NAGPA: variants seen among roughly 807,000 people sequenced by gnomAD.
The protein encoded by NAGPA is N-acetylglucosamine-1-phosphodiester alpha-N-acetylglucosaminidase.
NAGPA carries 56 observed loss-of-function variants against 48.5 expected under a neutral mutation model. That is an observed-to-expected ratio of 1.15 (90% CI 0.93 to 1.44). NAGPA has a LOEUF of 1.44. NAGPA is among the 40% of genes most tolerant of loss of function. The pLI is 0.00. For missense variants in NAGPA, 888 were observed against 735.0 expected, an observed-to-expected ratio of 1.21 and a Z score of -2.41; for synonymous variants, 399 against 315.5, an observed-to-expected ratio of 1.26 and a Z score of -2.81.
intron 4 of NAGPA, 193 bp downstream of exon 4, chr16:5,030,192 T>C (rs112031821): frequency 1.9e-5 from 12 of 628,792 alleles, no homozygotes; most frequent in African/African-American, 7.3e-5. Context: ...AAGCTGAAGA[T>C]GATGAGTTCT....
chr16:5,032,288 A>T (rs1001171), intron 2 of NAGPA, among the ~76,000 whole-genome samples: 50,783 of 152,028 alleles, frequency 0.33, 8,648 homozygotes, highest in South Asian at 0.41. Flanking sequence ...TCAGGATCAG[A>T]ACAAGCTTTA....
intron 4 of NAGPA, 53 bp from the exon 5 acceptor site, chr16:5,029,061 T>A: frequency 1.2e-6 from 2 of 1,605,438 alleles, no homozygotes; most frequent in South Asian, 1.1e-5. Flanking sequence ...CATTTCTCAT[T>A]TAACTCCTTT....
rs1341222138 is a variant in NAGPA, at chr16:5,033,903, G to A, written c.12C>T (p.Ser4=). ...GCCGGAGGAGAAGCCAGCGACCCGT[G>A]GAGGTCGCCATATTGGACCGGGGCC... MAT[S]TGRWLLLRLA... is the part of the protein sequence containing the mutation. The change falls in exon 1 of 10, where the codon TCC becomes TCT. Residue 4 remains serine (S), a synonymous_variant. Coordinates refer to ENST00000312251, the MANE Select transcript of NAGPA (RefSeq NM_016256.4). This position sits in a 1 kb window ranked among gnomAD's most constrained non-coding sequence, Gnocchi z 4.2. 6.5e-7 allele frequency: 1 copy of A among 1,549,190 alleles called. No homozygotes were observed. Among genetic ancestry groups the A allele is most frequent in the East Asian group, 2.4e-5 (1 of 40,912 alleles).
Position 5,033,883 on chromosome 16 carries a change from A to G in NAGPA, c.32T>C (p.Leu11Pro), listed in dbSNP as rs985903141. The change falls in exon 1 of 10, where the codon CTC becomes CCC. Residue 11 changes from leucine to proline, a missense_variant. Coordinates refer to ENST00000312251, the MANE Select transcript of NAGPA (RefSeq NM_016256.4). The surrounding 1 kb of genome is among the most constrained non-coding windows in gnomAD (Gnocchi z 4.2). The part of the protein sequence containing the change: MATSTGRWLL[L>P]RLALFGFLWE... ...GAGGAAGCCGAATAGTGCAAGCCGGAGGAGAAGCCAGCGACCCGTGGAGGT... is the reference window on the plus strand; with the variant it reads ...GAGGAAGCCGAATAGTGCAAGCCGGGGGAGAAGCCAGCGACCCGTGGAGGT... 1.3e-6 allele frequency: 2 copies of G among 1,549,246 alleles called. No individual in the cohort carries two copies. Among genetic ancestry groups the G allele is most frequent in the South Asian group, 1.2e-5 (1 of 83,988 alleles).
At chr16:5,027,004 A>G in intron 9 of NAGPA, 131 bp downstream of exon 9, 2 of 1,133,594 alleles carry the variant, frequency 1.8e-6, no homozygotes, top group Non-Finnish European at 2.6e-6. Context: ...CAGTGGGGAG[A>G]GCTGGTCCCG....
chr16:5,027,788 A>G, intron 7 of NAGPA, 58 bp downstream of exon 7: 1 of 1,546,144 alleles, frequency 6.5e-7, no homozygotes, highest in East Asian at 2.4e-5. Flanking sequence ...GCAGAGGAGC[A>G]GTGGGGGCTG....
At position 5,029,125 on chromosome 16, in the gene NAGPA, C is replaced by A. The variant is rs980336194; in HGVS notation, c.792-117G>T. On this transcript the variant is annotated intron_variant, in intron 4 of 9. Coordinates refer to ENST00000312251, the MANE Select transcript of NAGPA (RefSeq NM_016256.4). ...ACAGTGCAGGCACATTTCTAAGTGGCCCCCGCCCCCAAGCATGTCTCATCC... is the reference window on the plus strand; with the variant it reads ...ACAGTGCAGGCACATTTCTAAGTGGACCCCGCCCCCAAGCATGTCTCATCC... 4 of 1,531,030 alleles carry A rather than the reference C, an allele frequency of 2.6e-6. No individual in the cohort carries two copies. In the East Asian group the frequency reaches 9.1e-5, roughly 35 times the overall value. The allele number at this position is 1,531,030 out of a possible 1,614,324, so 94.8% of individuals were successfully genotyped here.
chr16:5,032,494 CCCCA>C (rs1956118702), intron 2 of NAGPA, among the ~76,000 whole-genome samples: 1 of 149,772 alleles, frequency 6.7e-6, no homozygotes, highest in South Asian at 2.1e-4. Context: ...CTCCCCCGTT[CCCCA>C]CCCCATCCCG....
intron 3 of NAGPA, chr16:5,030,950 CAA>C (rs1005561248): frequency 4.9e-5 from 12 of 245,922 alleles, no homozygotes; most frequent in African/African-American, 2.7e-4. Flanking sequence ...TTTTTTGAGA[CAA>C]AGAGTCTCGC....
At position 5,025,674 on chromosome 16, in the gene NAGPA, A is replaced by G; in HGVS notation, c.1352T>C (p.Leu451Pro). The G allele has an allele frequency of 6.2e-7, 1 of 1,608,598 alleles. No individual in the cohort carries two copies. Among genetic ancestry groups the G allele is most frequent in the Non-Finnish European group, 8.5e-7 (1 of 1,177,652 alleles). Residue 451 changes from leucine to proline, a missense_variant, in exon 10 of 10, where the codon CTA (leucine) becomes CCA (proline). Coordinates refer to ENST00000312251, the MANE Select transcript of NAGPA (RefSeq NM_016256.4). ...ELSFFTRTAW[L>P]ALTLALAFLL... The stretch of plus-strand genomic sequence containing the variant: ...GAAGGCCAGCGCCAGGGTGAGGGCT[A>G]GCCAGGCGGTCCTGCAGACAGGAGA...
intron 5 of NAGPA, 30 bp from the exon 6 acceptor site, chr16:5,028,215 G>C: frequency 3.9e-6 from 6 of 1,550,612 alleles, no homozygotes; most frequent in Non-Finnish European, 5.2e-6. Context: ...GTGAGGAGAG[G>C]ACACCCCCAG....
chr16:5,029,218 C>A, intron 4 of NAGPA: 1 of 788,246 alleles, frequency 1.3e-6, no homozygotes, highest in South Asian at 1.7e-5. Context: ...CATAGGAATC[C>A]TTAAGGGAGG....
chr16:5,033,503 G>A lies in NAGPA; in HGVS notation c.312C>T (p.Phe104=), dbSNP rs1229897846. 1.3e-6 allele frequency: 2 copies of A among 1,554,250 alleles called. No individual in the cohort carries two copies. The highest frequency in any genetic ancestry group is 1.7e-6 in the Non-Finnish European group (2 of 1,158,078). Residue 104 remains phenylalanine, a synonymous_variant, in exon 2 of 10, where the codon TTC becomes TTT. Coordinates refer to ENST00000312251, the MANE Select transcript of NAGPA (RefSeq NM_016256.4). This position sits in a 1 kb window ranked among gnomAD's most constrained non-coding sequence, Gnocchi z 4.2. ...CGGGTCCACCGGGCTCCAGCACCGA[G>A]AAGGTGCGCAGGGGCTCAACGGCCC... ...LTRAVEPLRT[F]SVLEPGGPGG...
intron 2 of NAGPA, among the ~76,000 whole-genome samples, chr16:5,032,676 C>T (rs557436868): frequency 6.6e-6 from 1 of 150,810 alleles, no homozygotes; most frequent in Admixed American, 6.6e-5. Context: ...AAGACTCTGT[C>T]TCAAAAAAAA....
chr16:5,032,403 C>T (rs1251715841), intron 2 of NAGPA, among the ~76,000 whole-genome samples: 2 of 152,120 alleles, frequency 1.3e-5, no homozygotes, highest in East Asian at 3.8e-4. Context: ...CACCTGTCAT[C>T]CCAGCACTTT....
Position 5,025,592 on chromosome 16 carries a change from C to G in NAGPA, c.1434G>C (p.Arg478Ser). The change falls in exon 10 of 10, where the codon AGG (arginine) becomes AGC (serine). Residue 478 changes from arginine (R) to serine (S), a missense_variant. By Grantham distance (110) the Arg-to-Ser change is moderately radical. Coordinates refer to ENST00000312251, the MANE Select transcript of NAGPA (RefSeq NM_016256.4). ...CATAGTCCCCATGCAGGCGCCGGTT[C>G]CTCTCTGCTCTGGACAGGAGCAAGG... ...NLSLLLSRAERNRRLHGDYAY... is the reference protein window; with the variant it reads ...NLSLLLSRAESNRRLHGDYAY... 6.2e-7 allele frequency: 1 copy of G among 1,613,956 alleles called. No homozygotes were observed. Among genetic ancestry groups the G allele is most frequent in the Admixed American group, 1.7e-5 (1 of 60,028 alleles).
Position 5,033,120 on chromosome 16 carries a change from A to C in NAGPA, c.542+153T>G, listed in dbSNP as rs1421338179. ...AAGTGCTCAATGATACTGGATGATGAATAAACTCTGCAAGGAAGCGATTCC... is the reference window on the plus strand; with the variant it reads ...AAGTGCTCAATGATACTGGATGATGCATAAACTCTGCAAGGAAGCGATTCC... On this transcript the variant is annotated intron_variant, in intron 2 of 9. Coordinates refer to ENST00000312251, the MANE Select transcript of NAGPA (RefSeq NM_016256.4). The surrounding 1 kb of genome is among the most constrained non-coding windows in gnomAD (Gnocchi z 4.2). 2.2e-6 allele frequency: 2 copies of C among 899,882 alleles called. No homozygotes were observed. The highest frequency in any genetic ancestry group is 4.4e-5 in the Admixed American group (2 of 45,488). 55.7% of individuals were successfully genotyped at this position (899,882 alleles called of 1,614,324 possible).
intron 3 of NAGPA, chr16:5,031,334 G>C (rs1158954855): frequency 3.6e-6 from 1 of 278,272 alleles, no homozygotes; most frequent in Admixed American, 4.8e-5. Flanking sequence ...TCACCATGGA[G>C]GCCCGTTAAA....
chr16:5,028,232 C>T (rs1172036264), intron 5 of NAGPA, 47 bp from the exon 6 acceptor site: 1 of 1,547,404 alleles, frequency 6.5e-7, no homozygotes, highest in Non-Finnish European at 8.7e-7. Context: ...CCAGACGGCC[C>T]CTCAACTCCC....
Sources: allele counts gnomAD v4.1 joint callset (sites outside exome capture counted in the v4.1 genomes callset), GRCh38; gene constraint gnomAD v4.1.1; non-coding constraint Gnocchi (gnomAD v3.1); transcripts MANE v1.5; gene names NCBI Gene and HGNC (gene_info 2026-07-23, HGNC 2026-07-21).